The following KIF20B variants were observed in gnomAD, a reference collection of about 807,000 sequenced individuals.
KIF20B encodes kinesin-like protein KIF20B.
Under a neutral mutation model 232.5 loss-of-function variants are expected in KIF20B, and 188 were observed. That is an observed-to-expected ratio of 0.81 (90% CI 0.72 to 0.91). The LOEUF (loss-of-function observed/expected upper bound fraction) is 0.91. KIF20B is among the 40% of genes least tolerant of loss of function. The pLI is 0.00. For synonymous variants in KIF20B, 712 were observed against 683.0 expected (o/e 1.04, Z -0.66); for missense variants, 2,154 against 2,055.9 (o/e 1.05, Z -0.92).
intron 2 of KIF20B, among the ~76,000 whole-genome samples, chr10:89,706,506 C>G (rs1389627471): frequency 3.3e-5 from 5 of 151,908 alleles, no homozygotes; most frequent in Admixed American, 2.6e-4. Flanking sequence ...TTTTGTCTTA[C>G]TTTTTCTAGA....
chr10:89,768,232 T>G (rs1379142007), intron 29 of KIF20B, 58 bp from the exon 30 acceptor site: 2 of 1,125,042 alleles, frequency 1.8e-6, no homozygotes, highest in Non-Finnish European at 2.6e-6. Context: ...CTTTTTTGAG[T>G]CTAGAGAAAT....
chr10:89,751,047 G>A (rs1374565009), intron 23 of KIF20B, among the ~76,000 whole-genome samples: 2 of 151,882 alleles, frequency 1.3e-5, no homozygotes, highest in African/African-American at 4.8e-5. Flanking sequence ...TAGTTGTATC[G>A]GAATAGTTTA....
Position 89,762,639 on chromosome 10 carries a change from A to T in KIF20B, c.4793A>T (p.Asp1598Val), listed in dbSNP as rs768494378. ...TTTTCCTTTTACATTCTGTTGTAGG[A>T]TGGATCTGTAGTCCTTGACTCTTGT... Reference protein sequence around the residue: ...SFEISRNKIEDGSVVLDSCEV... With the variant: ...SFEISRNKIEVGSVVLDSCEV... Residue 1598 changes from aspartate to valine, a missense_variant and splice_region_variant, in exon 29 of 33, where the codon GAT (aspartate) becomes GTT (valine). Asp to Val is a radical substitution (Grantham distance 152, BLOSUM62 -3). Transcript: ENST00000371728. 1.2e-6 allele frequency: 2 copies of T among 1,609,388 alleles called. No individual in the cohort carries two copies. Among genetic ancestry groups the T allele is most frequent in the Non-Finnish European group, 1.7e-6 (2 of 1,176,122 alleles).
rs1271199539 is a variant in KIF20B, at chr10:89,754,682, C to T, written c.4503+9C>T. On this transcript the variant is annotated intron_variant, in intron 26 of 32. Coordinates refer to ENST00000371728, the MANE Select transcript of KIF20B (RefSeq NM_001284259.2). Reference sequence around the variant, plus strand: ...AGCAACAGAATGAAATGGTTAGTAACAATTGTATCTTTGATGTATTTCACC... The same window carrying T: ...AGCAACAGAATGAAATGGTTAGTAATAATTGTATCTTTGATGTATTTCACC... 6 of 1,509,066 alleles carry T rather than the reference C, an allele frequency of 4.0e-6. No individual in the cohort carries two copies. The highest frequency in any genetic ancestry group is 5.3e-6 in the Non-Finnish European group (6 of 1,127,584). The allele number at this position is 1,509,066 out of a possible 1,614,324, so 93.5% of individuals were successfully genotyped here. A position where few individuals can be genotyped will look rare whatever the true frequency, so the allele number is the denominator to read the frequency against.
chr10:89,734,392 C>T (rs1335991065), intron 19 of KIF20B, among the ~76,000 whole-genome samples: 2 of 152,082 alleles, frequency 1.3e-5, no homozygotes, highest in African/African-American at 4.8e-5. Flanking sequence ...GCCAGGGCAA[C>T]AAGAGTGAAA....
chr10:89,754,449 A>T (rs2040003025), intron 25 of KIF20B, 69 bp from the exon 26 acceptor site: 1 of 999,904 alleles, frequency 1.0e-6, no homozygotes, highest in African/African-American at 1.7e-5. Context: ...TTGTATGAAA[A>T]TGTTATAGAA....
intron 26 of KIF20B, among the ~76,000 whole-genome samples, chr10:89,755,063 A>ATG (rs1383257141): frequency 1.3e-5 from 2 of 152,238 alleles, no homozygotes; most frequent in African/African-American, 4.8e-5. Context: ...CTATATATAT[A>ATG]GTAGAAATGA....
intron 20 of KIF20B, 152 bp downstream of exon 20, chr10:89,738,769 G>A (rs945104882): frequency 2.5e-6 from 3 of 1,193,820 alleles, no homozygotes; most frequent in Non-Finnish European, 3.4e-6. Context: ...TAAACCTTTG[G>A]ACCATAGGTT....
intron 29 of KIF20B, among the ~76,000 whole-genome samples, chr10:89,767,367 G>A (rs1232331417): frequency 2.2e-5 from 3 of 135,552 alleles, no homozygotes; most frequent in Non-Finnish European, 4.6e-5. Context: ...TTCTAATCCA[G>A]TGAAGACTCC....
At chr10:89,709,844 T>C (rs1448810520) in intron 4 of KIF20B, 83 bp from the exon 5 acceptor site, 1 of 1,085,778 alleles carries the variant, frequency 9.2e-7, no homozygotes, top group African/African-American at 1.6e-5. Context: ...TTTTAAATTT[T>C]TAAACAGTAG....
Position 89,714,932 on chromosome 10 carries a change from TTTTC to T in KIF20B, c.713-19_713-16del. 1 of 1,383,676 alleles carries T rather than the reference TTTTC, an allele frequency of 7.2e-7. No individual in the cohort carries two copies. Among genetic ancestry groups the T allele is most frequent in the African/African-American group, 1.7e-5 (1 of 58,046 alleles). The allele number at this position is 1,383,676 out of a possible 1,614,324, so 85.7% of individuals were successfully genotyped here. On this transcript the variant is annotated intron_variant, in intron 7 of 32. Transcript: ENST00000371728. ...TCAGTTGCTTACTTTCGTGATTGTT[TTTTC>T]TTTTTCTTTTTTTTGTAGGAAGTTT...
At chr10:89,704,389 A>C (rs1329970343) in intron 1 of KIF20B, among the ~76,000 whole-genome samples, 2 of 152,080 alleles carry the variant, frequency 1.3e-5, no homozygotes, top group Admixed American at 6.5e-5. Context: ...TTTACCTTTT[A>C]GTTTAGTGAT....
At chr10:89,746,788 G>A (rs1841920178) in intron 23 of KIF20B, among the ~76,000 whole-genome samples, 1 of 152,156 alleles carries the variant, frequency 6.6e-6, no homozygotes, top group Admixed American at 6.5e-5. Context: ...ATAACAACTG[G>A]TTAACATTTC....
rs561647770 is a variant in KIF20B, at chr10:89,722,014, TGATC to T, written c.1723-1949_1723-1946del. Reference sequence around the variant, plus strand: ...GCAGCTTCGAAATCCTGGGCTCAAGTGATCCTCTTGCCTCAGTCTCCTGAGTAGC... The same window carrying T: ...GCAGCTTCGAAATCCTGGGCTCAAGTCTCTTGCCTCAGTCTCCTGAGTAGC... On this transcript the variant is annotated intron_variant, in intron 13 of 32. Transcript: ENST00000371728. 2.3e-4 allele frequency among the ~76,000 whole-genome samples: 35 copies of T among 152,256 alleles called. No individual in the cohort carries two copies. The South Asian group carries it at 6.8e-3, about 30-fold the overall frequency.
intron 21 of KIF20B, among the ~76,000 whole-genome samples, chr10:89,740,178 T>G (rs1253987007): frequency 6.6e-6 from 1 of 152,102 alleles, no homozygotes; most frequent in African/African-American, 2.4e-5. Context: ...TATTTCTATT[T>G]GTCTATCCCA....
chr10:89,715,768 A>T (rs1027793635), intron 8 of KIF20B, among the ~76,000 whole-genome samples: 5 of 152,258 alleles, frequency 3.3e-5, no homozygotes, highest in African/African-American at 1.2e-4. Flanking sequence ...AGGCAGGTGG[A>T]TCACTTGAGC....
chr10:89,746,519 C>T (rs1841914446), intron 23 of KIF20B, among the ~76,000 whole-genome samples: 1 of 152,138 alleles, frequency 6.6e-6, no homozygotes, highest in Admixed American at 6.5e-5. Context: ...CAGTGTGTTC[C>T]TCTAGATGTT....
intron 17 of KIF20B, among the ~76,000 whole-genome samples, chr10:89,728,903 CTTTGTGTGTGTGTGTG>C (rs1453460779): frequency 1.0e-5 from 1 of 98,184 alleles, no homozygotes; most frequent in Non-Finnish European, 2.2e-5. Flanking sequence ...CTTCTTTTTT[CTTTGTGTGTGTGTGTG>C]TGTGTGTGTG....
chr10:89,756,039 T>C (rs1041965845), intron 26 of KIF20B, among the ~76,000 whole-genome samples: 1 of 152,200 alleles, frequency 6.6e-6, no homozygotes, highest in African/African-American at 2.4e-5. Flanking sequence ...AGCTAAACTT[T>C]CCAGCATGCT....
Sources: gnomAD v4.1 joint callset for allele counts (sites outside exome capture counted in the v4.1 genomes callset) on GRCh38, gnomAD v4.1.1 for gene constraint, MANE v1.5 for transcripts, NCBI Gene and HGNC (gene_info 2026-07-23, HGNC 2026-07-21) for gene names.